Variants in TGFA observed in about 807,000 individuals in gnomAD.
TGFA encodes the protein protransforming growth factor alpha.
TGFA carries 12 observed loss-of-function variants against 21.7 expected under a neutral mutation model. The observed-to-expected ratio is 0.55, with a 90% CI of 0.35 to 0.90. The LOEUF (loss-of-function observed/expected upper bound fraction) is 0.90. TGFA is among the 40% of genes least tolerant of loss of function. The pLI is 0.01. For synonymous variants in TGFA, 79 were observed against 88.1 expected, an observed-to-expected ratio of 0.90 and a Z score of 0.58; for missense variants, 178 against 210.8, an observed-to-expected ratio of 0.84 and a Z score of 0.96.
At chr2:70,515,384 C>G (rs1031045819) in intron 1 of TGFA, among the ~76,000 whole-genome samples, 1 of 152,140 alleles carries the variant, frequency 6.6e-6, no homozygotes, top group Non-Finnish European at 1.5e-5. Flanking sequence ...AGGATACCCA[C>G]AGGTTGAGTG....
In TGFA at chr2:70,551,438, G is replaced by A. The variant is rs577078130; in HGVS notation, c.40+2290C>T. 9.3e-4 allele frequency among the ~76,000 whole-genome samples: 141 copies of A among 152,292 alleles called. 1 individual carries two copies. Among genetic ancestry groups the A allele is most frequent in the Middle Eastern group, 3.4e-3 (1 of 294 alleles). On this transcript the variant is annotated intron_variant, in intron 1 of 5. Coordinates refer to ENST00000295400, the MANE Select transcript of TGFA (RefSeq NM_003236.4). ...TTCCAAGTAATCAAACATTAACCGA[G>A]ACTCCTAACAGCCAGTTCCTTCTCA...
Position 70,454,994 on chromosome 2 carries a change from G to A in TGFA, c.365+1345C>T, listed in dbSNP as rs530144463. Among the ~76,000 whole-genome samples the A allele has an allele frequency of 2.6e-5, 4 of 152,332 alleles. No homozygotes were observed. In the South Asian group the frequency reaches 8.3e-4, roughly 32 times the overall value. On this transcript the variant is annotated intron_variant, in intron 4 of 5. Coordinates refer to ENST00000295400, the MANE Select transcript of TGFA (RefSeq NM_003236.4). ...GGCAGCACACACAGCTACTGGCCATGAGAAGCAAGGCTGGCAGCCCACTAG... is the reference window on the plus strand; with the variant it reads ...GGCAGCACACACAGCTACTGGCCATAAGAAGCAAGGCTGGCAGCCCACTAG...
chr2:70,508,218 G>T (rs971775315), intron 2 of TGFA, among the ~76,000 whole-genome samples: 1 of 152,212 alleles, frequency 6.6e-6, no homozygotes. Flanking sequence ...GCTGAGGCGG[G>T]TGGATCATTT....
chr2:70,527,726 G>A (rs532388695), intron 1 of TGFA, among the ~76,000 whole-genome samples: 5 of 152,198 alleles, frequency 3.3e-5, no homozygotes, highest in African/African-American at 1.2e-4. Context: ...TATGCAGTGG[G>A]GTAAAGCTCT....
At chr2:70,534,061 G>A (rs1420365342) in intron 1 of TGFA, among the ~76,000 whole-genome samples, 1 of 152,058 alleles carries the variant, frequency 6.6e-6, no homozygotes, top group African/African-American at 2.4e-5. Flanking sequence ...ATGCAGACCC[G>A]AACCAGATAC....
intron 3 of TGFA, among the ~76,000 whole-genome samples, chr2:70,462,018 G>A (rs1367148576): frequency 2.0e-5 from 3 of 152,102 alleles, no homozygotes; most frequent in Non-Finnish European, 4.4e-5. Context: ...TAAGACTTAC[G>A]ATATTTTAGA....
At chr2:70,477,638 T>A (rs1351265364) in intron 2 of TGFA, among the ~76,000 whole-genome samples, 3 of 152,144 alleles carry the variant, frequency 2.0e-5, no homozygotes, top group African/African-American at 7.2e-5. Flanking sequence ...GGTAACATGC[T>A]CCACTTGCAG....
chr2:70,466,507 T>A (rs942026027), intron 2 of TGFA, among the ~76,000 whole-genome samples: 1 of 151,970 alleles, frequency 6.6e-6, no homozygotes, highest in Non-Finnish European at 1.5e-5. Context: ...AGCAAGACTC[T>A]GTCTCAAAAA....
intron 2 of TGFA, among the ~76,000 whole-genome samples, chr2:70,494,842 G>T (rs782627576): frequency 3.9e-5 from 6 of 152,040 alleles, no homozygotes; most frequent in Non-Finnish European, 7.4e-5. Flanking sequence ...TTTTGTTATT[G>T]GTGTGTGAGT....
intron 2 of TGFA, among the ~76,000 whole-genome samples, chr2:70,468,802 T>G (rs1670649853): frequency 6.6e-6 from 1 of 152,078 alleles, no homozygotes; most frequent in African/African-American, 2.4e-5. Context: ...AGCCCAGGGC[T>G]CCTCCCGATT....
At chr2:70,463,678 A>C (rs1346831008) in intron 3 of TGFA, among the ~76,000 whole-genome samples, 1 of 152,148 alleles carries the variant, frequency 6.6e-6, no homozygotes, top group Admixed American at 6.5e-5. Flanking sequence ...AGCCCAGTGC[A>C]CAAGAGGCCC....
At chr2:70,536,998 C>CTTTTT (rs35098749) in intron 1 of TGFA, among the ~76,000 whole-genome samples, 1 of 136,770 alleles carries the variant, frequency 7.3e-6, no homozygotes, top group Admixed American at 7.2e-5. Flanking sequence ...TTTTCTTTTT[C>CTTTTT]TTTTTTTTTT....
At chr2:70,542,829 A>G (rs1257912930) in intron 1 of TGFA, among the ~76,000 whole-genome samples, 1 of 152,214 alleles carries the variant, frequency 6.6e-6, no homozygotes. Flanking sequence ...CTTTTCCTTC[A>G]ATTTTATTTA....
At chr2:70,521,269 G>C (rs782633266) in intron 1 of TGFA, among the ~76,000 whole-genome samples, 4 of 151,968 alleles carry the variant, frequency 2.6e-5, no homozygotes, top group Non-Finnish European at 5.9e-5. Flanking sequence ...CCTAGACCTC[G>C]TTTCCACCTA....
intron 2 of TGFA, among the ~76,000 whole-genome samples, chr2:70,495,185 C>T (rs1671542313): frequency 6.6e-6 from 1 of 152,222 alleles, no homozygotes; most frequent in Non-Finnish European, 1.5e-5. Flanking sequence ...ACATGGTCCG[C>T]TCCTTCCCTA....
chr2:70,464,223 G>A (rs558009032), intron 3 of TGFA, among the ~76,000 whole-genome samples: 8 of 152,226 alleles, frequency 5.3e-5, no homozygotes, highest in Non-Finnish European at 1.2e-4. Context: ...GAGCCAAAGA[G>A]GCTGGCTTGA....
chr2:70,542,760 G>A (rs1389346726), intron 1 of TGFA, among the ~76,000 whole-genome samples: 2 of 152,178 alleles, frequency 1.3e-5, no homozygotes, highest in Non-Finnish European at 2.9e-5. Context: ...GTATATGCAC[G>A]TATGCAGACA....
intron 2 of TGFA, among the ~76,000 whole-genome samples, chr2:70,476,554 A>C (rs1032807320): frequency 1.1e-4 from 17 of 152,224 alleles, no homozygotes; most frequent in African/African-American, 4.1e-4. Flanking sequence ...ATCCACCCTT[A>C]GGAAAAAATG....
intron 2 of TGFA, among the ~76,000 whole-genome samples, chr2:70,510,548 G>A (rs915322292): frequency 2.6e-5 from 4 of 151,900 alleles, no homozygotes; most frequent in Admixed American, 2.0e-4. Flanking sequence ...CCCAGTGACT[G>A]GACAAAAAAA....
Sources: allele counts gnomAD v4.1 joint callset (sites outside exome capture counted in the v4.1 genomes callset), GRCh38; gene constraint gnomAD v4.1.1; transcripts MANE v1.5; gene names NCBI Gene and HGNC (gene_info 2026-07-23, HGNC 2026-07-21).